Variants in ZFAT observed in about 807,000 individuals in gnomAD.
The protein encoded by ZFAT is zinc finger protein ZFAT.
In ZFAT, 64 loss-of-function variants were observed where a neutral mutation model predicts 117.7. The observed-to-expected ratio is 0.54, with a 90% CI of 0.44 to 0.67. The LOEUF (loss-of-function observed/expected upper bound fraction) is 0.67, where lower values mean the gene tolerates loss of function less well. ZFAT is among the 30% of genes least tolerant of loss of function. ZFAT has a pLI of 0.00. For missense variants in ZFAT, 1,433 were observed against 1,584.5 expected (o/e 0.90, Z 1.62); for synonymous variants, 679 against 615.0 (o/e 1.10, Z -1.54).
intron 7 of ZFAT, among the ~76,000 whole-genome samples, chr8:134,596,724 A>G (rs529088173): frequency 6.6e-6 from 1 of 152,320 alleles, no homozygotes; most frequent in African/African-American, 2.4e-5. Context: ...AAAGGAAACC[A>G]TGGATGAATT....
chr8:134,683,329 C>A (rs142164087), intron 1 of ZFAT, among the ~76,000 whole-genome samples: 144 of 152,312 alleles, frequency 9.5e-4, no homozygotes, highest in African/African-American at 3.3e-3. Context: ...AAATACAGGC[C>A]TGTATGGTTC....
intron 13 of ZFAT, among the ~76,000 whole-genome samples, chr8:134,520,434 A>G (rs1820570937): frequency 6.6e-6 from 1 of 151,976 alleles, no homozygotes; most frequent in Non-Finnish European, 1.5e-5. Context: ...ACTGGTTCCA[A>G]CTCCTAAGGG....
At chr8:134,719,850 G>T in the ZFAT span, among the ~76,000 whole-genome samples, 7 of 152,166 alleles carry the variant, frequency 4.6e-5, no homozygotes, top group Admixed American at 2.6e-4. Flanking sequence ...GCCGTTTTTG[G>T]AAAGGCCAAC....
intron 3 of ZFAT, among the ~76,000 whole-genome samples, chr8:134,614,359 G>A (rs1195171231): frequency 1.3e-5 from 2 of 152,174 alleles, no homozygotes; most frequent in South Asian, 2.1e-4. Context: ...ACACAGACAT[G>A]CATTGCACAA....
intron 10 of ZFAT, among the ~76,000 whole-genome samples, chr8:134,578,716 C>T (rs897503946): frequency 6.6e-6 from 1 of 151,998 alleles, no homozygotes; most frequent in African/African-American, 2.4e-5. Flanking sequence ...TGACAGTGGC[C>T]AGTACAAAAA....
chr8:134,595,202 A>C (rs1826839600), intron 7 of ZFAT, among the ~76,000 whole-genome samples: 2 of 152,378 alleles, frequency 1.3e-5, no homozygotes, highest in South Asian at 4.1e-4. Context: ...TTAAACGCTG[A>C]AACAAAGGTC....
chr8:134,633,406 T>A (rs1464538653), intron 3 of ZFAT, among the ~76,000 whole-genome samples: 2 of 151,780 alleles, frequency 1.3e-5, no homozygotes, highest in Non-Finnish European at 2.9e-5. Flanking sequence ...GTGCAAAAAA[T>A]AATAATAATA....
At chr8:134,701,972 G>C (rs1834019638) in intron 1 of ZFAT, among the ~76,000 whole-genome samples, 1 of 152,210 alleles carries the variant, frequency 6.6e-6, no homozygotes, top group Non-Finnish European at 1.5e-5. Flanking sequence ...ATGAATTAAA[G>C]AGTTAATGGA....
intron 15 of ZFAT, among the ~76,000 whole-genome samples, chr8:134,506,910 G>C (rs1819458702): frequency 6.6e-6 from 1 of 152,216 alleles, no homozygotes; most frequent in Non-Finnish European, 1.5e-5. Flanking sequence ...CATACTTTAT[G>C]ATGAGGAATT....
At chr8:134,593,879 T>C (rs1462999584) in intron 7 of ZFAT, among the ~76,000 whole-genome samples, 1 of 152,190 alleles carries the variant, frequency 6.6e-6, no homozygotes, top group Admixed American at 6.5e-5. Context: ...GGTGTGAGAC[T>C]CTCAGGCGCT....
At chr8:134,556,410 G>C (rs992134761) in intron 11 of ZFAT, among the ~76,000 whole-genome samples, 1 of 151,896 alleles carries the variant, frequency 6.6e-6, no homozygotes, top group Admixed American at 6.6e-5. Flanking sequence ...GAAGCAGAAG[G>C]AAGAAAGAGA....
In ZFAT at chr8:134,520,120, C is replaced by T. The variant is rs113545136; in HGVS notation, c.3234+763G>A. 7.0e-3 allele frequency among the ~76,000 whole-genome samples: 1,061 copies of T among 152,212 alleles called. 13 individuals are homozygous for T. The highest frequency in any genetic ancestry group is 0.025 in the African/African-American group (1,018 of 41,526). ...TAGATAAAGTGAGGGTGATTTTTAC[C>T]CCCAGGAAACACTGAACATTGGTAA... is the stretch of plus-strand genomic sequence containing the variant. On this transcript the variant is annotated intron_variant, in intron 13 of 15. Coordinates refer to ENST00000377838, the MANE Select transcript of ZFAT (RefSeq NM_020863.4).
chr8:134,643,087 T>G (rs955947134), intron 2 of ZFAT, among the ~76,000 whole-genome samples: 1 of 152,220 alleles, frequency 6.6e-6, no homozygotes, highest in African/African-American at 2.4e-5. Flanking sequence ...CACATATATC[T>G]CAGGCACCAT....
chr8:134,513,345 G>A (rs1442922857), intron 13 of ZFAT, among the ~76,000 whole-genome samples: 11 of 152,034 alleles, frequency 7.2e-5, no homozygotes, highest in African/African-American at 2.7e-4. Context: ...TTACAGGCAC[G>A]CACCACCACA....
chr8:134,620,804 A>G (rs537541863), intron 3 of ZFAT, among the ~76,000 whole-genome samples: 37 of 152,334 alleles, frequency 2.4e-4, no homozygotes, highest in Non-Finnish European at 8.8e-5. Flanking sequence ...AGGGTGCTTG[A>G]CAAAGAACAG....
At chr8:134,657,870 C>T in intron 1 of ZFAT, 133 bp from the exon 2 acceptor site, 1 of 943,136 alleles carries the variant, frequency 1.1e-6, no homozygotes, top group South Asian at 1.7e-5. Context: ...GTCTCTCTGG[C>T]AGTCACCTCC....
the ZFAT span, among the ~76,000 whole-genome samples, chr8:134,724,925 C>G: frequency 6.6e-6 from 1 of 152,190 alleles, no homozygotes; most frequent in African/African-American, 2.4e-5. Context: ...GGCAACCAAG[C>G]TCACCTCTCC....
intron 3 of ZFAT, 62 bp downstream of exon 3, chr8:134,637,399 G>T: frequency 6.4e-7 from 1 of 1,555,796 alleles, no homozygotes; most frequent in East Asian, 2.3e-5. Context: ...AGTGAAACCT[G>T]ATATTAGCAG....
upstream of ZFAT, among the ~76,000 whole-genome samples, chr8:134,713,774 A>G (rs1302447643): frequency 2.0e-5 from 3 of 152,000 alleles, no homozygotes; most frequent in African/African-American, 4.8e-5. Context: ...GGCTCAAATG[A>G]TATCTTCCAG....
Sources: allele counts gnomAD v4.1 joint callset (sites outside exome capture counted in the v4.1 genomes callset), GRCh38; gene constraint gnomAD v4.1.1; transcripts MANE v1.5; gene names NCBI Gene and HGNC (gene_info 2026-07-23, HGNC 2026-07-21).